The following NFATC2 variants were observed in gnomAD, a reference collection of about 807,000 sequenced individuals.
NFATC2 encodes nuclear factor of activated T cells 2.
A neutral mutation model predicts 87.3 loss-of-function variants in NFATC2; 22 were observed. That is an observed-to-expected ratio of 0.25 (90% confidence interval 0.18 to 0.36). NFATC2 has a LOEUF of 0.36. NFATC2 is among the 10% of genes least tolerant of loss of function. The probability of loss-of-function intolerance (pLI) is 1.00; values close to 1 mark genes in which losing one functional copy is unlikely to be tolerated. For missense variants in NFATC2, 1,149 were observed against 1,259.1 expected (o/e 0.91, Z 1.32); for synonymous variants, 565 against 542.2 (o/e 1.04, Z -0.58).
At chr20:51,429,599 C>A (rs1982382222) in intron 9 of NFATC2, among the ~76,000 whole-genome samples, 1 of 152,254 alleles carries the variant, frequency 6.6e-6, no homozygotes, top group South Asian at 2.1e-4. Flanking sequence ...GAACACAGTA[C>A]AATCCAGTGT....
intron 3 of NFATC2, among the ~76,000 whole-genome samples, chr20:51,490,458 A>G (rs1331569512): frequency 1.3e-5 from 2 of 152,132 alleles, no homozygotes; most frequent in Non-Finnish European, 2.9e-5. Context: ...CTGTTCCCCA[A>G]CCTCAGTCAT....
intron 9 of NFATC2, among the ~76,000 whole-genome samples, chr20:51,431,088 A>C (rs1042595039): frequency 6.6e-6 from 1 of 152,184 alleles, no homozygotes; most frequent in Non-Finnish European, 1.5e-5. Flanking sequence ...CCCATTCTCT[A>C]TATGTGCTTA....
chr20:51,439,537 C>T (rs1357369503), intron 6 of NFATC2, among the ~76,000 whole-genome samples: 3 of 152,220 alleles, frequency 2.0e-5, no homozygotes, highest in Non-Finnish European at 4.4e-5. Context: ...CAAAGTGAGG[C>T]GGTGAGCCGC....
intron 2 of NFATC2, among the ~76,000 whole-genome samples, chr20:51,517,877 A>C (rs1211995518): frequency 5.3e-5 from 8 of 150,642 alleles, no homozygotes; most frequent in Non-Finnish European, 8.9e-5. Context: ...AAATTGCGCC[A>C]CTGCACTTTA....
rs555946400 is a variant in NFATC2 at position 51,429,983 on chromosome 20, G to A, written c.2722+2084C>T. On this transcript the variant is annotated intron_variant, in intron 9 of 10. Coordinates refer to ENST00000371564, the MANE Select transcript of NFATC2 (RefSeq NM_012340.5). Reference sequence around the variant, plus strand: ...GCCTCAGGAGGCCCAAAAGGGTCTCGGTGCTCAGCTGCTTTCTCTGTAACA... The same window carrying A: ...GCCTCAGGAGGCCCAAAAGGGTCTCAGTGCTCAGCTGCTTTCTCTGTAACA... Among the ~76,000 whole-genome samples the A allele has an allele frequency of 3.8e-3, 578 of 152,236 alleles. 1 individual carries two copies. The highest frequency in any genetic ancestry group is 6.2e-3 in the Non-Finnish European group (420 of 68,014).
chr20:51,426,022 T>G (rs1377493416), intron 9 of NFATC2, among the ~76,000 whole-genome samples: 1 of 152,090 alleles, frequency 6.6e-6, no homozygotes, highest in Non-Finnish European at 1.5e-5. Flanking sequence ...GAGGGAGCCT[T>G]GGGCAGTGCT....
At chr20:51,476,046 G>A (rs1988679520) in intron 3 of NFATC2, among the ~76,000 whole-genome samples, 1 of 150,542 alleles carries the variant, frequency 6.6e-6, no homozygotes, top group South Asian at 2.1e-4. Context: ...GTGATTGCCT[G>A]AGAAGATCAG....
At chr20:51,392,142 C>G (rs980457858) in intron 10 of NFATC2, among the ~76,000 whole-genome samples, 1 of 152,178 alleles carries the variant, frequency 6.6e-6, no homozygotes, top group Admixed American at 6.5e-5. Flanking sequence ...ATGATTAAGT[C>G]TGATAAAACA....
At chr20:51,468,770 C>T (rs774550040) in intron 5 of NFATC2, among the ~76,000 whole-genome samples, 1 of 152,212 alleles carries the variant, frequency 6.6e-6, no homozygotes. Flanking sequence ...ATTGGGCTGT[C>T]AGAGCACAAA....
intron 2 of NFATC2, among the ~76,000 whole-genome samples, chr20:51,521,913 A>G (rs2076451489): frequency 6.6e-6 from 1 of 151,714 alleles, no homozygotes; most frequent in Admixed American, 6.6e-5. Context: ...CAGATTGAAA[A>G]CATTCAGAAA....
intron 10 of NFATC2, 27 bp from the exon 11 acceptor site, chr20:51,391,478 G>T: frequency 1.3e-6 from 2 of 1,526,934 alleles, no homozygotes; most frequent in East Asian, 2.3e-5. Context: ...GAGGGGGGGG[G>T]AGAGAGAATG....
At chr20:51,454,060 G>A (rs975262440) in intron 6 of NFATC2, among the ~76,000 whole-genome samples, 2 of 152,080 alleles carry the variant, frequency 1.3e-5, no homozygotes, top group Non-Finnish European at 2.9e-5. Context: ...TTATAATTAC[G>A]TGACATGTAT....
intron 9 of NFATC2, among the ~76,000 whole-genome samples, chr20:51,424,223 T>C (rs986505735): frequency 5.9e-5 from 9 of 152,198 alleles, no homozygotes; most frequent in African/African-American, 2.2e-4. Context: ...TTCTGGACTT[T>C]GACATTTTCA....
At chr20:51,424,574 G>A (rs993153517) in intron 9 of NFATC2, among the ~76,000 whole-genome samples, 1 of 152,142 alleles carries the variant, frequency 6.6e-6, no homozygotes, top group East Asian at 1.9e-4. Context: ...GGGCAGTGAT[G>A]AGGCCAGACT....
intron 1 of NFATC2, among the ~76,000 whole-genome samples, chr20:51,549,992 A>G (rs544760620): frequency 1.3e-5 from 2 of 152,328 alleles, no homozygotes; most frequent in South Asian, 2.1e-4. Context: ...GTGCTCCTCA[A>G]CTTATGGTGG....
intron 9 of NFATC2, among the ~76,000 whole-genome samples, chr20:51,429,144 G>A (rs774034861): frequency 3.3e-5 from 5 of 152,214 alleles, no homozygotes; most frequent in African/African-American, 9.7e-5. Flanking sequence ...ACGGATGCAC[G>A]GGCTACACAG....
chr20:51,542,930 G>A (rs1334848569), upstream of NFATC2, among the ~76,000 whole-genome samples: 2 of 152,134 alleles, frequency 1.3e-5, no homozygotes, highest in South Asian at 2.1e-4. Flanking sequence ...GGCGGCCGCT[G>A]TCTCCCACCC....
In NFATC2 at chr20:51,432,811, C is replaced by T; in HGVS notation, c.2033-55G>A. 1 of 1,455,250 alleles carries T rather than the reference C, an allele frequency of 6.9e-7. No individual in the cohort carries two copies. Among genetic ancestry groups the T allele is most frequent in the Non-Finnish European group, 9.1e-7 (1 of 1,098,878 alleles). The allele number at this position is 1,455,250 out of a possible 1,614,324, so 90.1% of individuals were successfully genotyped here. ...CCCATGGCAGTGAGCCACGGATGTGCACGGAGGATTCGTGGATGGTGCTTG... is the reference window on the plus strand; with the variant it reads ...CCCATGGCAGTGAGCCACGGATGTGTACGGAGGATTCGTGGATGGTGCTTG... On this transcript the variant is annotated intron_variant, in intron 8 of 10. Transcript: ENST00000371564. The surrounding 1 kb of genome is among the most constrained non-coding windows in gnomAD (Gnocchi z 4.6).
chr20:51,465,287 C>G (rs975466885), intron 5 of NFATC2, among the ~76,000 whole-genome samples: 1 of 152,040 alleles, frequency 6.6e-6, no homozygotes, highest in Non-Finnish European at 1.5e-5. Flanking sequence ...GGTTGAGGAA[C>G]GAGAATCACT....
Sources: gnomAD v4.1 joint callset for allele counts (sites outside exome capture counted in the v4.1 genomes callset) on GRCh38, gnomAD v4.1.1 for gene constraint, Gnocchi (gnomAD v3.1) non-coding constraint, MANE v1.5 for transcripts, NCBI Gene and HGNC (gene_info 2026-07-23, HGNC 2026-07-21) for gene names.